Variants in ATP13A1 observed in about 807,000 individuals in gnomAD.
The protein encoded by ATP13A1 is ATPase 13A1.
A neutral mutation model predicts 134.8 loss-of-function variants in ATP13A1; 55 were observed. The observed-to-expected ratio is 0.41, with a 90% CI of 0.33 to 0.51. The LOEUF (loss-of-function observed/expected upper bound fraction) is 0.51, where lower values mean the gene tolerates loss of function less well. Among genes scored for constraint, ATP13A1 ranks in the 20% least tolerant of loss-of-function variants. The pLI, the probability that ATP13A1 is intolerant of heterozygous loss-of-function variation, is 0.29. For synonymous variants in ATP13A1, 775 were observed against 725.1 expected (o/e 1.07, Z -1.10); for missense variants, 1,389 against 1,652.8 (o/e 0.84, Z 2.77).
chr19:19,655,475 A>G lies in ATP13A1; in HGVS notation c.1397-22T>C, dbSNP rs2145009229. 1 of 1,613,902 alleles carries G rather than the reference A, an allele frequency of 6.2e-7. No individual in the cohort carries two copies. The highest frequency in any genetic ancestry group is 8.5e-7 in the Non-Finnish European group (1 of 1,179,844). On this transcript the variant is annotated intron_variant, in intron 10 of 25. Coordinates refer to ENST00000357324, the MANE Select transcript of ATP13A1 (RefSeq NM_020410.3). This position sits in a 1 kb window ranked among gnomAD's most constrained non-coding sequence, Gnocchi z 5.7. Reference sequence around the variant, plus strand: ...GTACCTGTGGAGACAGGGCCTGCCAACCTGGAGCCTCGGAGGGTGGGCGCA... The same window carrying G: ...GTACCTGTGGAGACAGGGCCTGCCAGCCTGGAGCCTCGGAGGGTGGGCGCA...
rs1413556399 is a variant in ATP13A1 at position 19,649,889 on chromosome 19, G to A, written c.2387C>T (p.Ala796Val). Residue 796 changes from alanine (A) to valine (V), a missense_variant, in exon 18 of 26, where the codon GCC becomes GTC. Physicochemically the swap from Ala to Val is moderately conservative, Grantham distance 64. Coordinates refer to ENST00000357324, the MANE Select transcript of ATP13A1 (RefSeq NM_020410.3). ...SIDGSIVLPL[A>V]RGSPKALALE... ...GGCCAGTGCCTTTGGGGAGCCCCGG[G>A]CCAGGGGCAGCACGATGCTGCCGTC... 1.2e-6 allele frequency: 2 copies of A among 1,600,898 alleles called. No homozygotes were observed. The highest frequency in any genetic ancestry group is 1.7e-6 in the Non-Finnish European group (2 of 1,179,500).
chr19:19,657,716 C>T (rs993555259), intron 3 of ATP13A1, among the ~76,000 whole-genome samples: 2 of 152,182 alleles, frequency 1.3e-5, no homozygotes, highest in African/African-American at 4.8e-5. Context: ...CAGACGAGAG[C>T]CCGTCATCTG....
At chr19:19,646,120 C>G (rs2061983936) in intron 23 of ATP13A1, 85 bp downstream of exon 23, 1 of 1,602,106 alleles carries the variant, frequency 6.2e-7, no homozygotes, top group African/African-American at 1.3e-5. Flanking sequence ...TGGACAACCC[C>G]CAGCCTCTCC....
chr19:19,653,632 C>T lies in ATP13A1; in HGVS notation c.2100+152G>A. 1.4e-6 allele frequency: 1 copy of T among 730,380 alleles called. No homozygotes were observed. The highest frequency in any genetic ancestry group is 2.2e-6 in the Non-Finnish European group (1 of 450,370). The allele number at this position is 730,380 out of a possible 1,614,324, so 45.2% of individuals were successfully genotyped here. ...CCACAGCAGTGGACAGACTGAGTGC[C>T]ATTTGGAGTCTCCAAAGGTAGAAGC... On this transcript the variant is annotated intron_variant, in intron 15 of 25. Transcript: ENST00000357324. The surrounding 1 kb of genome is among the most constrained non-coding windows in gnomAD (Gnocchi z 4.2).
Position 19,663,591 on chromosome 19 carries a change from GC to G in ATP13A1, c.75del (p.Gln25HisfsTer19). ...ARPCGVRPDG[Q>X]PKPGPQPRAL... ...GCGCGCGGCTGCGGCCCGGGCTTGG[GC>G]TGCCCGTCAGGCCGGACCCCGCAAG... is the stretch of plus-strand genomic sequence containing the variant. On this transcript the variant is annotated frameshift_variant, in exon 1 of 26. Coordinates refer to ENST00000357324, the MANE Select transcript of ATP13A1 (RefSeq NM_020410.3). LOFTEE classifies it high-confidence loss of function. The G allele has an allele frequency of 6.8e-7, 1 of 1,460,108 alleles. No individual in the cohort carries two copies. The highest frequency in any genetic ancestry group is 9.0e-7 in the Non-Finnish European group (1 of 1,116,408). The allele number at this position is 1,460,108 out of a possible 1,614,324, so 90.4% of individuals were successfully genotyped here.
chr19:19,647,654 G>A lies in ATP13A1; in HGVS notation c.2738C>T (p.Thr913Ile), dbSNP rs200876782. ...AGGGAGCCCCGACCGCTGCTTGGCT[G>A]TCCTGGAGGTGGCTCTGATGCCACT... ...SNSGIRATSR[T>I]AKQRSGLPPS... The change falls in exon 20 of 26, where the codon ACA becomes ATA. Residue 913 changes from threonine (T) to isoleucine (I), a missense_variant. Thr to Ile is a moderately conservative substitution (Grantham distance 89). Transcript: ENST00000357324. The surrounding 1 kb of genome is among the most constrained non-coding windows in gnomAD (Gnocchi z 4.8). 4.8e-5 allele frequency: 78 copies of A among 1,612,964 alleles called. No individual in the cohort carries two copies. The highest frequency in any genetic ancestry group is 6.1e-5 in the Non-Finnish European group (72 of 1,179,846).
chr19:19,662,122 G>C (rs773937072), intron 1 of ATP13A1: 13 of 1,564,956 alleles, frequency 8.3e-6, no homozygotes, highest in Admixed American at 1.9e-5. Context: ...TCCATCCCTG[G>C]AGAGGAAGTT....
intron 13 of ATP13A1, 38 bp from the exon 14 acceptor site, chr19:19,654,182 T>A: frequency 6.5e-7 from 1 of 1,546,548 alleles, no homozygotes; most frequent in Non-Finnish European, 8.8e-7. Flanking sequence ...GGGGCTTTGC[T>A]CCAAAGAGGC....
chr19:19,661,806 A>G (rs1441625889), intron 1 of ATP13A1, among the ~76,000 whole-genome samples: 1 of 152,184 alleles, frequency 6.6e-6, no homozygotes, highest in Non-Finnish European at 1.5e-5. Flanking sequence ...GCAGAAACAA[A>G]GCGCCACCGC....
intron 3 of ATP13A1, among the ~76,000 whole-genome samples, chr19:19,658,920 C>A (rs2062077110): frequency 6.6e-6 from 1 of 151,686 alleles, no homozygotes; most frequent in Non-Finnish European, 1.5e-5. Flanking sequence ...CTGGGCAACA[C>A]GGCGAGACCC....
intron 1 of ATP13A1, among the ~76,000 whole-genome samples, chr19:19,661,111 C>A (rs2062091903): frequency 6.6e-6 from 1 of 151,362 alleles, no homozygotes; most frequent in African/African-American, 2.4e-5. Flanking sequence ...AAAAAAACCC[C>A]AAAAAACAAA....
chr19:19,653,580 C>G lies in ATP13A1; in HGVS notation c.2100+204G>C. 1.7e-6 allele frequency: 1 copy of G among 602,256 alleles called. No individual in the cohort carries two copies. The highest frequency in any genetic ancestry group is 2.9e-6 in the Non-Finnish European group (1 of 341,574). 37.3% of individuals were successfully genotyped at this position (602,256 alleles called of 1,614,324 possible). Reference sequence around the variant, plus strand: ...GGGGCAGGTAAGCCCTGCGTGTGCTCTGCGTGAGCCAGGACTGGGTGGGTC... The same window carrying G: ...GGGGCAGGTAAGCCCTGCGTGTGCTGTGCGTGAGCCAGGACTGGGTGGGTC... On this transcript the variant is annotated intron_variant, in intron 15 of 25. Coordinates refer to ENST00000357324, the MANE Select transcript of ATP13A1 (RefSeq NM_020410.3). This position sits in a 1 kb window ranked among gnomAD's most constrained non-coding sequence, Gnocchi z 4.2.
Position 19,656,647 on chromosome 19 carries a change from C to T in ATP13A1, c.1083+13G>A, listed in dbSNP as rs1363607240. 2 of 1,611,396 alleles carry T rather than the reference C, an allele frequency of 1.2e-6. No individual in the cohort carries two copies. Among genetic ancestry groups the T allele is most frequent in the Non-Finnish European group, 1.7e-6 (2 of 1,178,696 alleles). Reference sequence around the variant, plus strand: ...CCTGAACAGCTTGAGGATCCCCATCCTCCACCAAGTACCTTCATCTGTGGC... The same window carrying T: ...CCTGAACAGCTTGAGGATCCCCATCTTCCACCAAGTACCTTCATCTGTGGC... On this transcript the variant is annotated intron_variant, in intron 7 of 25. Coordinates refer to ENST00000357324, the MANE Select transcript of ATP13A1 (RefSeq NM_020410.3). The surrounding 1 kb of genome is among the most constrained non-coding windows in gnomAD (Gnocchi z 4.6).
At chr19:19,648,488 T>A (rs530009352) in intron 19 of ATP13A1, among the ~76,000 whole-genome samples, 1 of 144,998 alleles carries the variant, frequency 6.9e-6, no homozygotes, top group Admixed American at 6.9e-5. Flanking sequence ...ATTTAACACC[T>A]GAGTTCTTGC....
rs374676055 is a variant in ATP13A1, at chr19:19,645,704, G to C, written c.3447C>G (p.Leu1149=). The change falls in exon 25 of 26, where the codon CTC becomes CTG. Residue 1149 remains leucine, a synonymous_variant. Coordinates refer to ENST00000357324, the MANE Select transcript of ATP13A1 (RefSeq NM_020410.3). The surrounding 1 kb of genome is among the most constrained non-coding windows in gnomAD (Gnocchi z 4.1). ...TGTTGAAGTCGGGCGAGGAGCCGAG[G>C]AGCAGGCCAATGATGGCCAGGAGTG... The part of the protein sequence containing the change: ...AVSLLAIIGL[L]LGSSPDFNSQ... 4 of 1,587,664 alleles carry C rather than the reference G, an allele frequency of 2.5e-6. No individual in the cohort carries two copies. Among genetic ancestry groups the C allele is most frequent in the Non-Finnish European group, 3.4e-6 (4 of 1,167,418 alleles).
At chr19:19,657,531 G>GC in intron 3 of ATP13A1, 123 bp from the exon 4 acceptor site, 2 of 968,048 alleles carry the variant, frequency 2.1e-6, no homozygotes, top group Non-Finnish European at 2.9e-6. Flanking sequence ...CCATATGTGG[G>GC]CGTCGGGAGC....
chr19:19,653,700 G>T lies in ATP13A1; in HGVS notation c.2100+84C>A. 8.0e-7 allele frequency: 1 copy of T among 1,243,206 alleles called. No homozygotes were observed. Among genetic ancestry groups the T allele is most frequent in the Non-Finnish European group, 1.1e-6 (1 of 891,372 alleles). 77.0% of individuals were successfully genotyped at this position (1,243,206 alleles called of 1,614,324 possible). A position where few individuals can be genotyped will look rare whatever the true frequency, so the allele number is the denominator to read the frequency against. ...GGACAAAATCACAACCATTCAACCT[G>T]GCACTGTGGGACACAGGAGGTGACT... On this transcript the variant is annotated intron_variant, in intron 15 of 25. Coordinates refer to ENST00000357324, the MANE Select transcript of ATP13A1 (RefSeq NM_020410.3). The surrounding 1 kb of genome is among the most constrained non-coding windows in gnomAD (Gnocchi z 4.2).
In ATP13A1 at chr19:19,653,954, C is replaced by T. The variant is rs982747533; in HGVS notation, c.1989+15G>A. 11 of 1,585,922 alleles carry T rather than the reference C, an allele frequency of 6.9e-6. No homozygotes were observed. The Admixed American group carries it at 2.0e-4, about 29-fold the overall frequency. On this transcript the variant is annotated intron_variant, in intron 14 of 25. Transcript: ENST00000357324. The surrounding 1 kb of genome is among the most constrained non-coding windows in gnomAD (Gnocchi z 4.2). ...CCGCGCCCCCACCCCTTGCCCCAGG[C>T]TGGGGCCAGCTCACCATGGAGTGCA...
In ATP13A1 at chr19:19,649,944, C is replaced by T. The variant is rs748309530; in HGVS notation, c.2336-4G>A. 2.0e-5 allele frequency: 32 copies of T among 1,583,368 alleles called. No individual in the cohort carries two copies. Among genetic ancestry groups the T allele is most frequent in the African/African-American group, 1.5e-4 (11 of 74,540 alleles). ...GAGCGCCACTCGCACTGCCGGCCTG[C>T]GGGCAGCACCTAGGGTTAGGGCTGG... On this transcript the variant is annotated splice_region_variant and splice_polypyrimidine_tract_variant and intron_variant, in intron 17 of 25. Transcript: ENST00000357324.
Sources: allele counts gnomAD v4.1 joint callset (sites outside exome capture counted in the v4.1 genomes callset), GRCh38; gene constraint gnomAD v4.1.1; non-coding constraint Gnocchi (gnomAD v3.1); transcripts MANE v1.5; gene names NCBI Gene and HGNC (gene_info 2026-07-23, HGNC 2026-07-21).